The following RASGRF2 variants were observed in gnomAD, a reference collection of about 807,000 sequenced individuals.
RASGRF2 encodes Ras protein specific guanine nucleotide releasing factor 2, also known as ras-specific guanine nucleotide-releasing factor 2.
In RASGRF2, 76 loss-of-function variants were observed where a neutral mutation model predicts 151.0. The ratio of observed to expected loss-of-function variants is 0.50; its 90% CI spans 0.42 to 0.61. The LOEUF (loss-of-function observed/expected upper bound fraction) is 0.61, where lower values mean the gene tolerates loss of function less well. RASGRF2 is among the 20% of genes least tolerant of loss of function. The pLI is 0.00. For missense variants in RASGRF2, 1,148 were observed against 1,564.6 expected, an observed-to-expected ratio of 0.73 and a Z score of 4.49; for synonymous variants, 504 against 566.5, an observed-to-expected ratio of 0.89 and a Z score of 1.57.
intron 15 of RASGRF2, among the ~76,000 whole-genome samples, chr5:81,121,101 T>G (rs26896): frequency 0.25 from 37,951 of 152,108 alleles, 5,281 homozygotes; most frequent in Middle Eastern, 0.39. Context: ...AAGTTGTGTG[T>G]GTGTGTGTGT....
chr5:81,112,414 G>A (rs1166044770), intron 13 of RASGRF2, among the ~76,000 whole-genome samples, 196 bp from the exon 14 acceptor site: 3 of 152,116 alleles, frequency 2.0e-5, no homozygotes, highest in Non-Finnish European at 4.4e-5. Flanking sequence ...GAGCATCTGT[G>A]GATTTTAATA....
At chr5:81,166,998 T>C (rs556728440) in intron 17 of RASGRF2, among the ~76,000 whole-genome samples, 1 of 152,272 alleles carries the variant, frequency 6.6e-6, no homozygotes, top group South Asian at 2.1e-4. Flanking sequence ...CTGATCCCCC[T>C]CATGAAATGA....
At chr5:81,054,299 TG>T (rs1476855479) in intron 2 of RASGRF2, among the ~76,000 whole-genome samples, 36 of 152,030 alleles carry the variant, frequency 2.4e-4, no homozygotes, top group Non-Finnish European at 4.4e-4. Flanking sequence ...AATTAATTTT[TG>T]TATAAGGTGT....
intron 22 of RASGRF2, among the ~76,000 whole-genome samples, chr5:81,212,011 C>T (rs1409273545): frequency 6.6e-6 from 1 of 152,192 alleles, no homozygotes; most frequent in African/African-American, 2.4e-5. Context: ...CAGGGAGTGA[C>T]ATCCATGATC....
chr5:80,989,547 A>G (rs1412266154), intron 1 of RASGRF2, among the ~76,000 whole-genome samples: 1 of 152,224 alleles, frequency 6.6e-6, no homozygotes, highest in Non-Finnish European at 1.5e-5. Context: ...AGCAACCTTT[A>G]TCATCAGAAC....
intron 18 of RASGRF2, among the ~76,000 whole-genome samples, chr5:81,187,197 G>T (rs1019804643): frequency 2.0e-5 from 3 of 152,212 alleles, no homozygotes; most frequent in African/African-American, 4.8e-5. Flanking sequence ...TGCTGTGATG[G>T]TGGAAATGTT....
At chr5:81,212,264 C>T (rs1454296883) in intron 22 of RASGRF2, 102 bp from the exon 23 acceptor site, 8 of 759,844 alleles carry the variant, frequency 1.1e-5, no homozygotes, top group Admixed American at 5.9e-5. Context: ...AGCTACTCAA[C>T]ACCCTGCCTT....
At chr5:81,115,433 C>T (rs1256840288) in intron 15 of RASGRF2, among the ~76,000 whole-genome samples, 1 of 152,140 alleles carries the variant, frequency 6.6e-6, no homozygotes, top group African/African-American at 2.4e-5. Flanking sequence ...CAGGGTTGCA[C>T]CCAGCGCCAG....
In RASGRF2 at chr5:81,062,013, A is replaced by AC. The variant is rs1751454891; in HGVS notation, c.396-6019_396-6018insC. Reference sequence around the variant, plus strand: ...CCCAGCTGACAAAAAAAAAAAAAAAAAAAAAAAAAAACTGTAGAGATGAGA... The same window carrying AC: ...CCCAGCTGACAAAAAAAAAAAAAAAACAAAAAAAAAAACTGTAGAGATGAGA... On this transcript the variant is annotated intron_variant, in intron 2 of 26. Transcript: ENST00000265080. Among the ~76,000 whole-genome samples the AC allele has an allele frequency of 1.4e-5, 2 of 147,824 alleles. 1 individual carries two copies. Among genetic ancestry groups the AC allele is most frequent in the Non-Finnish European group, 3.0e-5 (2 of 67,192 alleles).
At chr5:80,995,843 C>G (rs1470200425) in intron 1 of RASGRF2, among the ~76,000 whole-genome samples, 1 of 151,918 alleles carries the variant, frequency 6.6e-6, no homozygotes, top group African/African-American at 2.4e-5. Context: ...CAGGCATGTA[C>G]CATCAAGCCT....
At chr5:81,123,243 G>T (rs965494972) in intron 15 of RASGRF2, among the ~76,000 whole-genome samples, 2 of 152,126 alleles carry the variant, frequency 1.3e-5, no homozygotes, top group African/African-American at 4.8e-5. Context: ...GGTTTAGGGG[G>T]CAACACAGGC....
At chr5:81,140,525 AG>A (rs143878264) in intron 17 of RASGRF2, among the ~76,000 whole-genome samples, 3,522 of 152,132 alleles carry the variant, frequency 0.023, 128 homozygotes, top group African/African-American at 0.08. Flanking sequence ...CACTGGTGTG[AG>A]TACACTCCTG....
intron 9 of RASGRF2, among the ~76,000 whole-genome samples, chr5:81,092,119 C>T (rs1004612713): frequency 1.3e-5 from 2 of 151,960 alleles, no homozygotes; most frequent in East Asian, 1.9e-4. Context: ...GTATAGCTTC[C>T]CACATTAAAT....
At chr5:81,035,094 C>T (rs542250546) in intron 1 of RASGRF2, among the ~76,000 whole-genome samples, 1 of 152,196 alleles carries the variant, frequency 6.6e-6, no homozygotes, top group South Asian at 2.1e-4. Flanking sequence ...CCATTTGACC[C>T]AGCCATCCCA....
chr5:81,087,680 T>A, intron 9 of RASGRF2: 1 of 377,938 alleles, frequency 2.6e-6, no homozygotes, highest in Non-Finnish European at 4.8e-6. Context: ...ATTTTTTTAG[T>A]GCTTAGGTCC....
intron 19 of RASGRF2, chr5:81,203,936 A>G (rs1176971365): frequency 6.6e-6 from 1 of 152,218 alleles, no homozygotes. Flanking sequence ...ATCTTAGTCA[A>G]CTCAACTTTC....
chr5:80,986,541 T>C (rs1448012918), intron 1 of RASGRF2, among the ~76,000 whole-genome samples: 1 of 152,248 alleles, frequency 6.6e-6, no homozygotes, highest in Non-Finnish European at 1.5e-5. Flanking sequence ...GGGCATTCTG[T>C]ATGGTAAAAT....
In RASGRF2 at chr5:81,227,656, G is replaced by A. The variant is rs1756027278; in HGVS notation, c.*1886G>A. 1 of 152,192 alleles carries A rather than the reference G, an allele frequency of 6.6e-6. No individual in the cohort carries two copies. The highest frequency in any genetic ancestry group is 2.4e-5 in the African/African-American group (1 of 41,438). 9.4% of individuals were successfully genotyped at this position (152,192 alleles called of 1,614,324 possible). A position where few individuals can be genotyped will look rare whatever the true frequency, so the allele number is the denominator to read the frequency against. On this transcript the variant is annotated 3_prime_UTR_variant, in exon 27 of 27. Coordinates refer to ENST00000265080, the MANE Select transcript of RASGRF2 (RefSeq NM_006909.3). ...GTATCAGTTGCACCAAACACCTCAA[G>A]GTCTTGCAGAAGAAAAGTAAAGGTT...
chr5:80,976,321 A>C (rs762590679), intron 1 of RASGRF2, among the ~76,000 whole-genome samples: 1 of 152,202 alleles, frequency 6.6e-6, no homozygotes, highest in African/African-American at 2.4e-5. Flanking sequence ...TTGAGATATC[A>C]GTATCTTGTT....
Sources: allele counts gnomAD v4.1 joint callset (sites outside exome capture counted in the v4.1 genomes callset), GRCh38; gene constraint gnomAD v4.1.1; transcripts MANE v1.5; gene names NCBI Gene and HGNC (gene_info 2026-07-23, HGNC 2026-07-21).